The following GLB1 variants were observed in gnomAD, a reference collection of about 807,000 sequenced individuals.
The protein encoded by GLB1 is galactosidase beta 1.
A neutral mutation model predicts 74.0 loss-of-function variants in GLB1; 56 were observed. The observed-to-expected ratio is 0.76, with a 90% CI of 0.61 to 0.94. GLB1 has a LOEUF of 0.94. GLB1 is among the 40% of genes least tolerant of loss of function. The pLI is 0.00. For missense variants in GLB1, 787 were observed against 845.5 expected (o/e 0.93, Z 0.86); for synonymous variants, 323 against 323.6 (o/e 1.00, Z 0.02).
intron 15 of GLB1, among the ~76,000 whole-genome samples, chr3:33,002,328 C>T (rs1360763110): frequency 1.0e-5 from 1 of 97,320 alleles, no homozygotes; most frequent in African/African-American, 3.4e-5. Flanking sequence ...CAAAAGTCTC[C>T]CTCCCTCCCT....
intron 15 of GLB1, among the ~76,000 whole-genome samples, chr3:33,008,660 G>T (rs147622965): frequency 1.3e-5 from 2 of 152,190 alleles, no homozygotes; most frequent in Non-Finnish European, 2.9e-5. Context: ...ACAATGAGGG[G>T]ATGGTAGCCA....
chr3:33,048,507 G>A (rs1698835692), intron 9 of GLB1, among the ~76,000 whole-genome samples: 1 of 152,200 alleles, frequency 6.6e-6, no homozygotes, highest in East Asian at 1.9e-4. Context: ...ACACAGGTGT[G>A]GAGGAAGGAG....
Position 33,015,560 on chromosome 3 carries a change from T to C in GLB1, c.1479+1149A>G, listed in dbSNP as rs1697205984. Among the ~76,000 whole-genome samples, 10 of 152,272 alleles carry C rather than the reference T, an allele frequency of 6.6e-5. No homozygotes were observed. The South Asian group carries it at 2.1e-3, about 32-fold the overall frequency. On this transcript the variant is annotated intron_variant, in intron 14 of 15. Transcript: ENST00000307363. ...AGTCTCGATTGCCCATTTAATAATT[T>C]GATAAATATTAACCAGGTGGCTGTA...
At chr3:32,983,665 AAATAAT>A in the GLB1 span, among the ~76,000 whole-genome samples, 23 of 151,638 alleles carry the variant, frequency 1.5e-4, no homozygotes, top group Admixed American at 1.1e-3. Context: ...TTGACCTTGA[AAATAAT>A]AATAATAATA....
At chr3:33,050,626 G>A (rs1004364290) in intron 9 of GLB1, among the ~76,000 whole-genome samples, 13 of 152,340 alleles carry the variant, frequency 8.5e-5, no homozygotes, top group Non-Finnish European at 1.5e-4. Context: ...GGGCTGAGAG[G>A]AGGGAGAGTG....
chr3:33,096,371 G>A (rs1170983993), intron 1 of GLB1: 2 of 980,994 alleles, frequency 2.0e-6, no homozygotes, highest in Non-Finnish European at 2.4e-6. Flanking sequence ...CCCGATCAAC[G>A]ATGGCATCCC....
intron 10 of GLB1, among the ~76,000 whole-genome samples, chr3:33,042,194 G>A (rs1266342178): frequency 6.6e-6 from 1 of 151,870 alleles, no homozygotes; most frequent in Non-Finnish European, 1.5e-5. Flanking sequence ...CACCTCCCAG[G>A]GTCTAATCTC....
At chr3:33,012,631 T>C (rs970937187) in intron 15 of GLB1, among the ~76,000 whole-genome samples, 17 of 152,140 alleles carry the variant, frequency 1.1e-4, no homozygotes, top group African/African-American at 3.9e-4. Flanking sequence ...GCAGCCCAAA[T>C]AGACTAAGGC....
chr3:33,004,885 T>C (rs553504523), intron 15 of GLB1, among the ~76,000 whole-genome samples: 42 of 152,208 alleles, frequency 2.8e-4, no homozygotes, highest in African/African-American at 9.9e-4. Context: ...CTCCAGAGCC[T>C]TGTAAGAGCT....
At chr3:33,054,850 G>T (rs1699148923) in intron 6 of GLB1, among the ~76,000 whole-genome samples, 1 of 152,252 alleles carries the variant, frequency 6.6e-6, no homozygotes, top group East Asian at 1.9e-4. Flanking sequence ...GGGGAAAGAG[G>T]AAGCATGAGC....
intron 14 of GLB1, among the ~76,000 whole-genome samples, chr3:33,015,094 T>G (rs115339003): frequency 0.016 from 2,453 of 152,268 alleles, 69 homozygotes; most frequent in East Asian, 0.077. Flanking sequence ...AGACAGAGGT[T>G]GCAGTAAGCC....
chr3:33,083,643 T>A (rs779728110), intron 1 of GLB1, among the ~76,000 whole-genome samples: 3 of 152,086 alleles, frequency 2.0e-5, no homozygotes, highest in Non-Finnish European at 2.9e-5. Context: ...CACAGAAAAC[T>A]TATAAAAAGC....
At chr3:33,019,399 C>T (rs1319546834) in intron 12 of GLB1, among the ~76,000 whole-genome samples, 1 of 152,170 alleles carries the variant, frequency 6.6e-6, no homozygotes, top group Non-Finnish European at 1.5e-5. Flanking sequence ...CTGCTGTGGA[C>T]ATTATTAGCA....
At chr3:33,021,755 C>A in intron 11 of GLB1, 100 bp from the exon 12 acceptor site, 2 of 1,348,864 alleles carry the variant, frequency 1.5e-6, no homozygotes, top group South Asian at 2.5e-5. Context: ...TGGGTTTGAC[C>A]AAACCCCTAA....
Position 33,031,842 on chromosome 3 carries a change from G to C in GLB1, c.1069-7517C>G, listed in dbSNP as rs184928391. Among the ~76,000 whole-genome samples the C allele has an allele frequency of 3.9e-3, 589 of 151,646 alleles. 6 individuals carry two copies. The highest frequency in any genetic ancestry group is 0.014 in the African/African-American group (566 of 41,350). On this transcript the variant is annotated intron_variant, in intron 10 of 15. Transcript: ENST00000307363. Reference sequence around the variant, plus strand: ...GACAGAGTTTTGCTCTTGTTACCCAGGCTGGAGTGCAATGGCATGATCTCG... The same window carrying C: ...GACAGAGTTTTGCTCTTGTTACCCACGCTGGAGTGCAATGGCATGATCTCG...
chr3:32,977,207 G>GT, the GLB1 span, among the ~76,000 whole-genome samples: 1 of 122,718 alleles, frequency 8.1e-6, no homozygotes, highest in Non-Finnish European at 1.8e-5. Flanking sequence ...ACCTCATCTA[G>GT]ATTTTTTTTT....
At chr3:32,973,352 G>T in the GLB1 span, among the ~76,000 whole-genome samples, 2 of 150,334 alleles carry the variant, frequency 1.3e-5, no homozygotes, top group Admixed American at 1.3e-4. Flanking sequence ...TTTTTTTTTT[G>T]AGAAGGAGTC....
At position 32,997,160 on chromosome 3, in the gene GLB1, T is replaced by C; in HGVS notation, c.1919A>G (p.Asp640Gly). ...CACAGATGAGCCAATAACTGGCCTG[T>C]CCACGAACGTCACAGCACATAGTTC... ...DPELCAVTFV[D>G]RPVIGSSVTY... Residue 640 changes from aspartate to glycine, a missense_variant, in exon 16 of 16, where the codon GAC becomes GGC. Asp to Gly is a moderately conservative substitution (Grantham distance 94, BLOSUM62 -1). Coordinates refer to ENST00000307363, the MANE Select transcript of GLB1 (RefSeq NM_000404.4). 6.2e-7 allele frequency: 1 copy of C among 1,614,170 alleles called. No homozygotes were observed. Among genetic ancestry groups the C allele is most frequent in the Non-Finnish European group, 8.5e-7 (1 of 1,180,034 alleles).
At position 32,997,061 on chromosome 3, in the gene GLB1, C is replaced by T; in HGVS notation, c.2018G>A (p.Trp673Ter). 1 of 1,614,030 alleles carries T rather than the reference C, an allele frequency of 6.2e-7. No homozygotes were observed. Among genetic ancestry groups the T allele is most frequent in the South Asian group, 1.1e-5 (1 of 91,066 alleles). Residue 673 changes from tryptophan to a stop codon, truncating the protein, a stop_gained, in exon 16 of 16, where the codon TGG becomes TAG. Transcript: ENST00000307363. LOFTEE classifies it high-confidence loss of function. ...PPPPQKNKDS[W>*]LDHV ...CTTTCATCATCATACATGGTCCAGC[C>T]ATGAATCTTTGTTTTTTTGCGGGGG...
Sources: allele counts gnomAD v4.1 joint callset (sites outside exome capture counted in the v4.1 genomes callset), GRCh38; gene constraint gnomAD v4.1.1; transcripts MANE v1.5; gene names NCBI Gene and HGNC (gene_info 2026-07-23, HGNC 2026-07-21).